FRMD3: variants seen among roughly 807,000 people sequenced by gnomAD.
FRMD3 encodes the protein FERM domain containing 3.
FRMD3 carries 33 observed loss-of-function variants against 70.2 expected under a neutral mutation model. That is an observed-to-expected ratio of 0.47 (90% CI 0.36 to 0.63). FRMD3 has a LOEUF of 0.63. FRMD3 is among the 20% of genes least tolerant of loss of function. The pLI, the probability that FRMD3 is intolerant of heterozygous loss-of-function variation, is 0.00. For synonymous variants in FRMD3, 279 were observed against 255.9 expected (o/e 1.09, Z -0.86); for missense variants, 632 against 711.4 (o/e 0.89, Z 1.27).
At chr9:83,452,681 A>C (rs980421596) in intron 1 of FRMD3, among the ~76,000 whole-genome samples, 1 of 151,674 alleles carries the variant, frequency 6.6e-6, no homozygotes, top group Non-Finnish European at 1.5e-5. Flanking sequence ...ACGGGGTTTC[A>C]CCGTGTTAGC....
At chr9:83,545,899 A>G in the FRMD3 span, among the ~76,000 whole-genome samples, 2 of 152,202 alleles carry the variant, frequency 1.3e-5, no homozygotes, top group African/African-American at 4.8e-5. Context: ...CAAGGTGTAT[A>G]GTCACCAGAC....
At chr9:83,423,585 CTTTTTTTTTTTTTT>C (rs869226126) in intron 1 of FRMD3, among the ~76,000 whole-genome samples, 3 of 60,490 alleles carry the variant, frequency 5.0e-5, no homozygotes, top group African/African-American at 2.1e-4. Context: ...AGCCCTGTTT[CTTTTTTTTTTTTTT>C]TTTTTTTTTT....
At chr9:83,407,035 G>A (rs779632661) in intron 1 of FRMD3, among the ~76,000 whole-genome samples, 1 of 152,148 alleles carries the variant, frequency 6.6e-6, no homozygotes, top group Admixed American at 6.5e-5. Flanking sequence ...TCCTGGCAGA[G>A]AGTTCGCTGC....
At chr9:83,285,239 GGCACAAACAC>G (rs1162114929) in intron 13 of FRMD3, among the ~76,000 whole-genome samples, 1 of 151,994 alleles carries the variant, frequency 6.6e-6, no homozygotes, top group African/African-American at 2.4e-5. Context: ...ATATACACTC[GGCACAAACAC>G]GCGCAAACAC....
intron 1 of FRMD3, among the ~76,000 whole-genome samples, chr9:83,469,929 A>G (rs1828228112): frequency 6.6e-6 from 1 of 152,224 alleles, no homozygotes; most frequent in Admixed American, 6.5e-5. Context: ...TGAATTCCCT[A>G]GAGCTGTATA....
chr9:83,248,365 T>G lies in FRMD3; in HGVS notation c.1347A>C (p.Pro449=). Residue 449 remains proline (P), a synonymous_variant, in exon 14 of 14, where the codon CCA becomes CCC. Coordinates refer to ENST00000304195, the MANE Select transcript of FRMD3 (RefSeq NM_174938.6). ...CAGGGGTGGGGAGCAGGCTGGCACT[T>G]GGGTTGTACACTAGTTCAGAGATGG... is the stretch of plus-strand genomic sequence containing the variant. The part of the protein sequence containing the change: ...PLTISELVYN[P]SASLLPTPVD... 1 of 1,614,110 alleles carries G rather than the reference T, an allele frequency of 6.2e-7. No individual in the cohort carries two copies. Among genetic ancestry groups the G allele is most frequent in the Non-Finnish European group, 8.5e-7 (1 of 1,180,000 alleles).
At chr9:83,536,930 T>TA (rs142272516) in intron 1 of FRMD3, among the ~76,000 whole-genome samples, 848 of 60,830 alleles carry the variant, frequency 0.014, 36 homozygotes, top group Non-Finnish European at 0.016. Flanking sequence ...TGTATTACAC[T>TA]AAAAAAAAAA....
rs75194778 is a variant in FRMD3 at position 83,464,182 on chromosome 9, C to T, written c.147+73903G>A. Among the ~76,000 whole-genome samples, 347 of 152,324 alleles carry T rather than the reference C, an allele frequency of 2.3e-3. 5 individuals carry two copies. The East Asian group carries it at 0.034, about 15-fold the overall frequency. On this transcript the variant is annotated intron_variant, in intron 1 of 13. Transcript: ENST00000304195. The stretch of plus-strand genomic sequence containing the variant: ...GGAGCATTCCCATTGTTAATGCTGA[C>T]GGTAAGCCTCATGAATTATTTAACA...
At chr9:83,530,159 C>T in intron 1 of FRMD3, among the ~76,000 whole-genome samples, 1 of 152,154 alleles carries the variant, frequency 6.6e-6, no homozygotes, top group East Asian at 1.9e-4. Context: ...AGAAATGAAA[C>T]ATGTCTAGAG....
At chr9:83,315,729 T>C (rs1208153840) in intron 6 of FRMD3, among the ~76,000 whole-genome samples, 1 of 152,192 alleles carries the variant, frequency 6.6e-6, no homozygotes, top group Non-Finnish European at 1.5e-5. Flanking sequence ...TAGTTCTTTA[T>C]AGCAATGCAA....
At chr9:83,346,965 G>A (rs1587751734) in intron 4 of FRMD3, among the ~76,000 whole-genome samples, 1 of 152,162 alleles carries the variant, frequency 6.6e-6, no homozygotes. Context: ...CCTTTTTAAG[G>A]ACTGTAAACT....
chr9:83,584,222 G>A, the FRMD3 span, among the ~76,000 whole-genome samples: 1 of 152,036 alleles, frequency 6.6e-6, no homozygotes, highest in Non-Finnish European at 1.5e-5. Context: ...TGTAGTCCCA[G>A]CTACTCGGGA....
At chr9:83,291,886 G>A (rs1057327371) in intron 12 of FRMD3, among the ~76,000 whole-genome samples, 1 of 152,134 alleles carries the variant, frequency 6.6e-6, no homozygotes, top group Non-Finnish European at 1.5e-5. Context: ...GTTTCTGTTG[G>A]GCAGCAGGAG....
At chr9:83,470,111 A>AT (rs201980121) in intron 1 of FRMD3, among the ~76,000 whole-genome samples, 1 of 152,038 alleles carries the variant, frequency 6.6e-6, no homozygotes, top group African/African-American at 2.4e-5. Flanking sequence ...ATTTAAAAGA[A>AT]TTTTTTTTAA....
intron 2 of FRMD3, among the ~76,000 whole-genome samples, chr9:83,388,485 G>C (rs1274378776): frequency 6.6e-6 from 1 of 152,188 alleles, no homozygotes; most frequent in Non-Finnish European, 1.5e-5. Context: ...ATATGGCTGG[G>C]AACTCTGAGC....
intron 1 of FRMD3, among the ~76,000 whole-genome samples, chr9:83,460,576 T>C (rs1011096080): frequency 1.3e-5 from 2 of 152,208 alleles, no homozygotes; most frequent in African/African-American, 4.8e-5. Flanking sequence ...ATAATTTTCA[T>C]TTAAAAATGG....
chr9:83,389,834 G>C (rs570698066), intron 1 of FRMD3, 126 bp from the exon 2 acceptor site: 1 of 645,080 alleles, frequency 1.6e-6, no homozygotes, highest in South Asian at 1.9e-5. Flanking sequence ...AGTCCCTGAA[G>C]AAGGGGCTTC....
chr9:83,567,237 C>T, the FRMD3 span, among the ~76,000 whole-genome samples: 2 of 152,208 alleles, frequency 1.3e-5, no homozygotes, highest in African/African-American at 2.4e-5. Flanking sequence ...AATGTTGGCC[C>T]CTTTCAGCCA....
intron 2 of FRMD3, 87 bp from the exon 3 acceptor site, chr9:83,373,042 A>G: frequency 9.1e-7 from 1 of 1,102,536 alleles, no homozygotes; most frequent in Admixed American, 1.8e-5. Flanking sequence ...GGAATTCCAA[A>G]GTACAGCCTC....
Sources: gnomAD v4.1 joint callset for allele counts (sites outside exome capture counted in the v4.1 genomes callset) on GRCh38, gnomAD v4.1.1 for gene constraint, MANE v1.5 for transcripts, NCBI Gene and HGNC (gene_info 2026-07-23, HGNC 2026-07-21) for gene names.